SORCS1: variants seen among roughly 807,000 people sequenced by gnomAD.
SORCS1 encodes the protein sortilin related VPS10 domain containing receptor 1.
A neutral mutation model predicts 146.1 loss-of-function variants in SORCS1; 60 were observed. The ratio of observed to expected loss-of-function variants is 0.41; its 90% CI spans 0.33 to 0.51. The LOEUF (loss-of-function observed/expected upper bound fraction) is 0.51, where lower values mean the gene tolerates loss of function less well. Ranked by LOEUF, SORCS1 falls within the 20% of genes least tolerant of loss-of-function variation. The probability of loss-of-function intolerance (pLI) is 0.21; values close to 1 mark genes in which losing one functional copy is unlikely to be tolerated. For missense variants in SORCS1, 1,352 were observed against 1,487.6 expected (o/e 0.91, Z 1.50); for synonymous variants, 637 against 584.0 (o/e 1.09, Z -1.31).
At chr10:106,731,787 T>C (rs191038526) in intron 5 of SORCS1, among the ~76,000 whole-genome samples, 81 of 152,254 alleles carry the variant, frequency 5.3e-4, no homozygotes, top group Admixed American at 9.2e-4. Flanking sequence ...GTCTTCTCTT[T>C]ACACACTTTA....
intron 6 of SORCS1, among the ~76,000 whole-genome samples, chr10:106,710,523 T>C (rs537885360): frequency 2.6e-5 from 4 of 151,790 alleles, no homozygotes; most frequent in Non-Finnish European, 4.4e-5. Flanking sequence ...GTTGAGACCC[T>C]GGATCTCACC....
At chr10:106,601,177 A>C (rs2133342993) in intron 23 of SORCS1, among the ~76,000 whole-genome samples, 1 of 152,362 alleles carries the variant, frequency 6.6e-6, no homozygotes, top group South Asian at 2.1e-4. Flanking sequence ...CACTTGCCTG[A>C]TAGAGACTCA....
intron 24 of SORCS1, among the ~76,000 whole-genome samples, chr10:106,589,009 C>T (rs990091570): frequency 6.6e-6 from 1 of 151,946 alleles, no homozygotes; most frequent in African/African-American, 2.4e-5. Flanking sequence ...TTGAGAACAG[C>T]TGCTATTTAT....
rs560761632 is a variant in SORCS1, at chr10:106,577,134, G to GTGTT, written c.*282_*285dup. The GTGTT allele has an allele frequency of 1.2e-3, 1,378 of 1,173,242 alleles. 25 individuals are homozygous for GTGTT. In the Admixed American group the frequency reaches 0.021, roughly 18 times the overall value. The allele number at this position is 1,173,242 out of a possible 1,614,324, so 72.7% of individuals were successfully genotyped here. On this transcript the variant is annotated 3_prime_UTR_variant, in exon 26 of 26. Coordinates refer to ENST00000263054, the MANE Select transcript of SORCS1 (RefSeq NM_052918.5). ...GAATTAAAAAGTCCCGATGCAGTGA[G>GTGTT]TGTTTGTTTGTTTGTTTGGATTTTG...
intron 5 of SORCS1, among the ~76,000 whole-genome samples, chr10:106,745,337 G>C (rs1857646400): frequency 6.6e-6 from 1 of 151,888 alleles, no homozygotes; most frequent in African/African-American, 2.4e-5. Context: ...GGTGAACCTG[G>C]GAGGTGGAGC....
intron 10 of SORCS1, among the ~76,000 whole-genome samples, chr10:106,687,546 A>G (rs1852951791): frequency 6.6e-6 from 1 of 152,198 alleles, no homozygotes; most frequent in African/African-American, 2.4e-5. Flanking sequence ...GCAGCCGTCA[A>G]CAATACATGA....
chr10:106,681,251 T>G (rs1852413920), intron 10 of SORCS1, among the ~76,000 whole-genome samples: 2 of 152,066 alleles, frequency 1.3e-5, no homozygotes, highest in Admixed American at 1.3e-4. Flanking sequence ...AAACCAGGAG[T>G]GCAAAACCAG....
intron 2 of SORCS1, among the ~76,000 whole-genome samples, chr10:106,840,646 A>C (rs1485313974): frequency 6.6e-6 from 1 of 152,026 alleles, no homozygotes; most frequent in African/African-American, 2.4e-5. Context: ...TGATATCAAA[A>C]CAGTATTGCA....
intron 1 of SORCS1, among the ~76,000 whole-genome samples, chr10:107,144,560 A>C (rs937206935): frequency 2.0e-5 from 3 of 152,234 alleles, no homozygotes; most frequent in African/African-American, 7.2e-5. Flanking sequence ...TCCCTGTGGA[A>C]CACCACCTGG....
chr10:106,771,050 C>A (rs1159315462), intron 4 of SORCS1, among the ~76,000 whole-genome samples: 2 of 152,208 alleles, frequency 1.3e-5, no homozygotes, highest in African/African-American at 2.4e-5. Context: ...TGCTCTCCAG[C>A]CACTCAGCAG....
At chr10:106,611,789 G>A (rs143341131) in intron 22 of SORCS1, 122 bp downstream of exon 22, 76 of 735,564 alleles carry the variant, frequency 1.0e-4, no homozygotes, top group East Asian at 9.3e-4. Context: ...CTTCCCATGG[G>A]CTCTAGCTTC....
intron 2 of SORCS1, among the ~76,000 whole-genome samples, chr10:106,864,782 T>C (rs1459879871): frequency 6.6e-6 from 1 of 152,224 alleles, no homozygotes; most frequent in Non-Finnish European, 1.5e-5. Flanking sequence ...ACTTAGCTTT[T>C]TCAGCCTTCG....
intron 1 of SORCS1, among the ~76,000 whole-genome samples, chr10:107,056,799 C>A (rs974847688): frequency 6.6e-6 from 1 of 152,238 alleles, no homozygotes; most frequent in African/African-American, 2.4e-5. Flanking sequence ...CTGTGTCTAA[C>A]TTTACTATAA....
At chr10:106,998,630 A>C (rs746453805) in intron 1 of SORCS1, among the ~76,000 whole-genome samples, 8 of 152,250 alleles carry the variant, frequency 5.3e-5, no homozygotes, top group Non-Finnish European at 1.2e-4. Context: ...TATCTTTTTT[A>C]CATTAAGAGA....
chr10:106,994,082 A>AG (rs1459421597), intron 1 of SORCS1, among the ~76,000 whole-genome samples: 4 of 132,800 alleles, frequency 3.0e-5, no homozygotes, highest in Admixed American at 2.2e-4. Flanking sequence ...AAAAAAAAAA[A>AG]AAAAAGAAAA....
chr10:106,989,670 GTTTTTTTTT>G (rs1956668940), intron 1 of SORCS1, among the ~76,000 whole-genome samples: 2 of 116,436 alleles, frequency 1.7e-5, no homozygotes, highest in Non-Finnish European at 3.3e-5. Context: ...TATTTTTTCT[GTTTTTTTTT>G]GTTTTTTTTT....
intron 1 of SORCS1, among the ~76,000 whole-genome samples, chr10:107,015,024 G>C (rs1957841588): frequency 6.6e-6 from 1 of 152,152 alleles, no homozygotes; most frequent in African/African-American, 2.4e-5. Context: ...TTCTTTGCAA[G>C]GAGGCTCCTC....
intron 1 of SORCS1, among the ~76,000 whole-genome samples, chr10:106,983,611 G>T (rs1198694267): frequency 6.6e-6 from 1 of 152,088 alleles, no homozygotes; most frequent in Non-Finnish European, 1.5e-5. Context: ...CACTATTAGA[G>T]GTCCCGTAAG....
chr10:107,123,296 T>C (rs1051541105), intron 1 of SORCS1, among the ~76,000 whole-genome samples: 1 of 152,180 alleles, frequency 6.6e-6, no homozygotes, highest in African/African-American at 2.4e-5. Context: ...GATGAACTAA[T>C]ATGCATATGT....
Sources: gnomAD v4.1 joint callset for allele counts (sites outside exome capture counted in the v4.1 genomes callset) on GRCh38, gnomAD v4.1.1 for gene constraint, MANE v1.5 for transcripts, NCBI Gene and HGNC (gene_info 2026-07-23, HGNC 2026-07-21) for gene names.